Variants in PCNX2 observed in about 807,000 individuals in gnomAD.
PCNX2 encodes pecanex 2.
A neutral mutation model predicts 223.8 loss-of-function variants in PCNX2; 168 were observed. The ratio of observed to expected loss-of-function variants is 0.75; its 90% confidence interval spans 0.66 to 0.85. The LOEUF (loss-of-function observed/expected upper bound fraction) is 0.85. PCNX2 is among the 40% of genes least tolerant of loss of function. The probability of loss-of-function intolerance (pLI) is 0.00; values close to 1 mark genes in which losing one functional copy is unlikely to be tolerated. For synonymous variants in PCNX2, 1,006 were observed against 1,052.6 expected, an observed-to-expected ratio of 0.96 and a Z score of 0.86; for missense variants, 2,507 against 2,675.5, an observed-to-expected ratio of 0.94 and a Z score of 1.39.
At chr1:233,158,380 G>A (rs962169531) in intron 19 of PCNX2, among the ~76,000 whole-genome samples, 39 of 152,150 alleles carry the variant, frequency 2.6e-4, no homozygotes, top group African/African-American at 9.2e-4. Context: ...TTAAGAATAG[G>A]TATAGGGAAA....
At chr1:233,221,384 GA>G (rs575434174) in intron 10 of PCNX2, among the ~76,000 whole-genome samples, 67 of 147,242 alleles carry the variant, frequency 4.6e-4, no homozygotes, top group South Asian at 3.2e-3. Flanking sequence ...AAATTTCAAA[GA>G]AAAAAAAAAC....
chr1:233,208,868 GA>G (rs895824402), intron 12 of PCNX2, among the ~76,000 whole-genome samples, 179 bp from the exon 13 acceptor site: 6 of 54,666 alleles, frequency 1.1e-4, no homozygotes, highest in Admixed American at 6.6e-4. Context: ...AAAAAGAAAA[GA>G]AAAAAAAAGT....
chr1:233,022,670 C>T lies in PCNX2; in HGVS notation c.4605+2476G>A, dbSNP rs1037077534. ...GTCTCTGGGTAGCAGATGAAAGAGT[C>T]TAGCCTAATTCTTTCTTTTTCTTTC... On this transcript the variant is annotated intron_variant, in intron 26 of 33. Coordinates refer to ENST00000258229, the MANE Select transcript of PCNX2 (RefSeq NM_014801.4). Among the ~76,000 whole-genome samples, 49 of 149,708 alleles carry T rather than the reference C, an allele frequency of 3.3e-4. 1 individual carries two copies. Among genetic ancestry groups the T allele is most frequent in the Non-Finnish European group, 2.5e-4 (17 of 67,590 alleles).
intron 8 of PCNX2, among the ~76,000 whole-genome samples, chr1:233,241,591 C>A (rs1274002194): frequency 3.9e-5 from 6 of 152,130 alleles, no homozygotes; most frequent in Non-Finnish European, 7.4e-5. Context: ...ATCTTTTCCA[C>A]CTCCATGTGA....
At chr1:233,231,085 C>A (rs77471441) in intron 9 of PCNX2, among the ~76,000 whole-genome samples, 2,546 of 152,128 alleles carry the variant, frequency 0.017, 31 homozygotes, top group South Asian at 0.049. Flanking sequence ...CTAAAAGAAA[C>A]TGAGGCTCTG....
intron 15 of PCNX2, 105 bp from the exon 16 acceptor site, chr1:233,179,280 G>T: frequency 8.5e-7 from 1 of 1,174,728 alleles, no homozygotes; most frequent in Non-Finnish European, 1.2e-6. Flanking sequence ...GGATGGATGA[G>T]TTATTCCCAT....
chr1:233,091,732 C>CAAAA, intron 22 of PCNX2, among the ~76,000 whole-genome samples: 1 of 109,076 alleles, frequency 9.2e-6, no homozygotes, highest in African/African-American at 3.6e-5. Context: ...GACCCTCCCT[C>CAAAA]AAAAAAAAAA....
chr1:233,139,124 G>A lies in PCNX2; in HGVS notation c.3659+590C>T, dbSNP rs190725873. On this transcript the variant is annotated intron_variant, in intron 20 of 33. Coordinates refer to ENST00000258229, the MANE Select transcript of PCNX2 (RefSeq NM_014801.4). The surrounding 1 kb of genome is among the most constrained non-coding windows in gnomAD (Gnocchi z 4.4). ...GAATGACAAATCTACAGATTATCAA[G>A]GAGATTTCCATGTTGTAAATTCAGA... is the stretch of plus-strand genomic sequence containing the variant. 5.3e-5 allele frequency among the ~76,000 whole-genome samples: 8 copies of A among 152,300 alleles called. No homozygotes were observed. In the East Asian group the frequency reaches 1.5e-3, roughly 29 times the overall value.
chr1:233,312,970 G>A, the PCNX2 span, among the ~76,000 whole-genome samples: 1 of 151,558 alleles, frequency 6.6e-6, no homozygotes, highest in South Asian at 2.1e-4. Flanking sequence ...GTACCCAGAA[G>A]ATTCAGTGTC....
At chr1:233,286,097 T>C (rs1661431547) in intron 1 of PCNX2, among the ~76,000 whole-genome samples, 1 of 152,202 alleles carries the variant, frequency 6.6e-6, no homozygotes, top group Admixed American at 6.5e-5. Context: ...ATGAGTTACA[T>C]GATCCTAAAT....
At chr1:233,141,049 A>C (rs1484263352) in intron 19 of PCNX2, among the ~76,000 whole-genome samples, 1 of 152,174 alleles carries the variant, frequency 6.6e-6, no homozygotes, top group Non-Finnish European at 1.5e-5. Context: ...TAAAAAAAAA[A>C]ACTTTACCCT....
chr1:233,122,063 A>G (rs1158068664), intron 21 of PCNX2, among the ~76,000 whole-genome samples: 1 of 150,402 alleles, frequency 6.6e-6, no homozygotes, highest in African/African-American at 2.5e-5. Flanking sequence ...AGTGACAGAA[A>G]GTTAGAAAGT....
chr1:233,161,479 T>C (rs1678478782), intron 17 of PCNX2, 116 bp from the exon 18 acceptor site: 1 of 821,964 alleles, frequency 1.2e-6, no homozygotes, highest in African/African-American at 1.7e-5. Context: ...TTCCAGCCCA[T>C]CACTTACCTG....
At chr1:233,273,189 T>C (rs200265673) in intron 1 of PCNX2, among the ~76,000 whole-genome samples, 1 of 123,186 alleles carries the variant, frequency 8.1e-6, no homozygotes, top group East Asian at 2.1e-4. Context: ...TATAAAAAAA[T>C]AATAATTTAA....
At position 233,280,986 on chromosome 1, in the gene PCNX2, C is replaced by T. The variant is rs75944621; in HGVS notation, c.153+14340G>A. Among the ~76,000 whole-genome samples the T allele has an allele frequency of 8.8e-4, 134 of 151,940 alleles. 1 individual carries two copies. Among genetic ancestry groups the T allele is most frequent in the African/African-American group, 3.0e-3 (123 of 41,408 alleles). ...CGATCATCACCATCATGATCATCAT[C>T]ATCTATTCATCATTCATCAACACTA... is the stretch of plus-strand genomic sequence containing the variant. On this transcript the variant is annotated intron_variant, in intron 1 of 33. Coordinates refer to ENST00000258229, the MANE Select transcript of PCNX2 (RefSeq NM_014801.4).
Position 233,057,157 on chromosome 1 carries a change from G to A in PCNX2, c.4135+75C>T. 2.7e-5 allele frequency: 32 copies of A among 1,203,934 alleles called. No homozygotes were observed. In the South Asian group the frequency reaches 4.3e-4, roughly 16 times the overall value. 74.6% of individuals were successfully genotyped at this position (1,203,934 alleles called of 1,614,324 possible). ...TGTCTCCACAATGAGTACAGAGTGA[G>A]TATTTAATTCTTCCTTTTGAGAATC... On this transcript the variant is annotated intron_variant, in intron 24 of 33. Transcript: ENST00000258229.
chr1:233,011,575 T>C (rs1218487355), intron 28 of PCNX2, among the ~76,000 whole-genome samples: 1 of 152,218 alleles, frequency 6.6e-6, no homozygotes, highest in Non-Finnish European at 1.5e-5. Context: ...ATGCCCTTTT[T>C]GTCCAATCAC....
intron 4 of PCNX2, among the ~76,000 whole-genome samples, chr1:233,260,530 T>C (rs1302268712): frequency 6.6e-6 from 1 of 152,160 alleles, no homozygotes; most frequent in African/African-American, 2.4e-5. Flanking sequence ...TCAGTAGCAA[T>C]AATATAGAAA....
chr1:233,247,395 C>T (rs1659186367), intron 8 of PCNX2, among the ~76,000 whole-genome samples: 1 of 152,200 alleles, frequency 6.6e-6, no homozygotes, highest in Non-Finnish European at 1.5e-5. Flanking sequence ...TGTATTATTT[C>T]ACTTTATCTT....
Sources: allele counts gnomAD v4.1 joint callset (sites outside exome capture counted in the v4.1 genomes callset), GRCh38; gene constraint gnomAD v4.1.1; non-coding constraint Gnocchi (gnomAD v3.1); transcripts MANE v1.5; gene names NCBI Gene and HGNC (gene_info 2026-07-23, HGNC 2026-07-21).